The following NME7 variants were observed in gnomAD, a reference collection of about 807,000 sequenced individuals.
The protein encoded by NME7 is nucleoside diphosphate kinase 7.
Under a neutral mutation model 49.1 loss-of-function variants are expected in NME7, and 41 were observed. The observed-to-expected ratio is 0.83, with a 90% CI of 0.65 to 1.08. The LOEUF (loss-of-function observed/expected upper bound fraction) is 1.08, where lower values mean the gene tolerates loss of function less well. NME7 is among the 50% of genes least tolerant of loss of function. The pLI, the probability that NME7 is intolerant of heterozygous loss-of-function variation, is 0.00. For synonymous variants in NME7, 139 were observed against 150.6 expected (o/e 0.92, Z 0.56); for missense variants, 423 against 463.4 (o/e 0.91, Z 0.80).
In NME7 at chr1:169,289,560, C is replaced by T. The variant is rs555488287; in HGVS notation, c.649-2152G>A. 4.6e-5 allele frequency among the ~76,000 whole-genome samples: 7 copies of T among 151,972 alleles called. No individual in the cohort carries two copies. In the South Asian group the frequency reaches 1.4e-3, roughly 31 times the overall value. ...TAGCTCCAAAAACCATGTACTTTTT[C>T]TATTATCTGTCTTTCCAAAGTAAAA... On this transcript the variant is annotated intron_variant, in intron 6 of 11. Transcript: ENST00000367811.
At position 169,310,081 on chromosome 1, in the gene NME7, CTA is replaced by C. The variant is rs779654126; in HGVS notation, c.279-3_279-2del. The C allele has an allele frequency of 1.4e-5, 21 of 1,554,068 alleles. No homozygotes were observed. The highest frequency in any genetic ancestry group is 1.7e-5 in the Non-Finnish European group (20 of 1,143,810). On this transcript the variant is annotated splice_acceptor_variant and splice_polypyrimidine_tract_variant and intron_variant, in intron 3 of 11. Transcript: ENST00000367811. LOFTEE classifies it high-confidence loss of function. Reference sequence around the variant, plus strand: ...ATCTGGTTTAATTAGGGCTAGCGTTCTATAAGGAAACAAAAAATAAGTTTGCA... The same window carrying C: ...ATCTGGTTTAATTAGGGCTAGCGTTCTAAGGAAACAAAAAATAAGTTTGCA...
intron 10 of NME7, among the ~76,000 whole-genome samples, chr1:169,197,654 G>A (rs1421680321): frequency 6.6e-6 from 1 of 152,028 alleles, no homozygotes; most frequent in African/African-American, 2.4e-5. Flanking sequence ...CAGCTGGATA[G>A]CAATGTGCAA....
At chr1:169,346,445 T>A (rs1379771137) in intron 1 of NME7, among the ~76,000 whole-genome samples, 1 of 152,188 alleles carries the variant, frequency 6.6e-6, no homozygotes. Context: ...CCTGGAATAC[T>A]TTTTCCCCAA....
chr1:169,270,335 C>T (rs1383340522), intron 7 of NME7, among the ~76,000 whole-genome samples: 1 of 133,560 alleles, frequency 7.5e-6, no homozygotes, highest in African/African-American at 2.5e-5. Context: ...AGCCACTCTC[C>T]CAGATTTGGC....
At chr1:169,309,155 T>C (rs1651290346) in intron 4 of NME7, among the ~76,000 whole-genome samples, 1 of 152,192 alleles carries the variant, frequency 6.6e-6, no homozygotes, top group African/African-American at 2.4e-5. Flanking sequence ...TCCTAATTAC[T>C]TAGACTTCAG....
At chr1:169,265,173 T>C (rs958187533) in intron 7 of NME7, among the ~76,000 whole-genome samples, 4 of 132,818 alleles carry the variant, frequency 3.0e-5, no homozygotes, top group African/African-American at 1.0e-4. Context: ...TGAGATTTGG[T>C]TGGGGACACG....
At chr1:169,155,771 T>A (rs1031343625) in intron 11 of NME7, among the ~76,000 whole-genome samples, 2 of 151,974 alleles carry the variant, frequency 1.3e-5, no homozygotes, top group Non-Finnish European at 2.9e-5. Flanking sequence ...AGTTTTTTTT[T>A]TTTTTTTGAA....
At position 169,276,823 on chromosome 1, in the gene NME7, T is replaced by G. The variant is rs372957828; in HGVS notation, c.754+10480A>C. Among the ~76,000 whole-genome samples, 106 of 140,726 alleles carry G rather than the reference T, an allele frequency of 7.5e-4. 12 individuals are homozygous for G. In the South Asian group the frequency reaches 0.024, roughly 31 times the overall value. 92.3% of individuals were successfully genotyped at this position (140,726 alleles called of 152,430 possible). A position where few individuals can be genotyped will look rare whatever the true frequency, so the allele number is the denominator to read the frequency against. On this transcript the variant is annotated intron_variant, in intron 7 of 11. Transcript: ENST00000367811. Reference sequence around the variant, plus strand: ...CTTTCCTGCTTTCTCTTGTGGCCATTTAGTGCTATAAATTTCCCTCTACAC... The same window carrying G: ...CTTTCCTGCTTTCTCTTGTGGCCATGTAGTGCTATAAATTTCCCTCTACAC...
At chr1:169,158,592 C>T (rs1659151132) in intron 11 of NME7, among the ~76,000 whole-genome samples, 1 of 152,018 alleles carries the variant, frequency 6.6e-6, no homozygotes. Flanking sequence ...TATAATAGGG[C>T]TCTAGGCTTA....
At chr1:169,229,822 C>T (rs966166192) in intron 10 of NME7, among the ~76,000 whole-genome samples, 3 of 151,876 alleles carry the variant, frequency 2.0e-5, no homozygotes, top group East Asian at 1.9e-4. Flanking sequence ...ATTAGCCAGG[C>T]GGGGTGGCAC....
intron 7 of NME7, among the ~76,000 whole-genome samples, chr1:169,279,263 T>C (rs1649893395): frequency 6.6e-6 from 1 of 152,182 alleles, no homozygotes; most frequent in Admixed American, 6.5e-5. Flanking sequence ...CCGCTGTCTT[T>C]TTGTTTGTCT....
rs559695123 is a variant in NME7, at chr1:169,328,201, G to A, written c.4-3701C>T. ...GGAAACTATAAAGGGGTTTTTTGGAGGGGGGGATTATGGAGGAATATTTGT... is the reference window on the plus strand; with the variant it reads ...GGAAACTATAAAGGGGTTTTTTGGAAGGGGGGATTATGGAGGAATATTTGT... On this transcript the variant is annotated intron_variant, in intron 1 of 11. Transcript: ENST00000367811. Among the ~76,000 whole-genome samples the A allele has an allele frequency of 5.3e-5, 8 of 152,224 alleles. No individual in the cohort carries two copies. In the South Asian group the frequency reaches 1.0e-3, roughly 20 times the overall value.
intron 10 of NME7, among the ~76,000 whole-genome samples, chr1:169,229,019 C>G (rs191492568): frequency 1.2e-3 from 186 of 152,278 alleles, no homozygotes; most frequent in Admixed American, 2.7e-3. Context: ...ATTTCTAGAG[C>G]CTCTGACTTT....
At position 169,298,537 on chromosome 1, in the gene NME7, T is replaced by G. The variant is rs764704872; in HGVS notation, c.648+19A>C. On this transcript the variant is annotated intron_variant, in intron 6 of 11. Coordinates refer to ENST00000367811, the MANE Select transcript of NME7 (RefSeq NM_013330.5). ...TAACAGAACTAGAAGAGCATTAAAA[T>G]ATTTTTAAAACACCTTACTCTGGCC... 1 of 1,608,004 alleles carries G rather than the reference T, an allele frequency of 6.2e-7. No homozygotes were observed.
At chr1:169,184,740 A>C (rs1156817076) in intron 10 of NME7, among the ~76,000 whole-genome samples, 1 of 151,728 alleles carries the variant, frequency 6.6e-6, no homozygotes. Flanking sequence ...TTTTTATTCT[A>C]AATGGTCACA....
At chr1:169,155,114 A>T (rs1659029654) in intron 11 of NME7, among the ~76,000 whole-genome samples, 1 of 152,322 alleles carries the variant, frequency 6.6e-6, no homozygotes, top group Admixed American at 6.5e-5. Flanking sequence ...TTTCTTTAAC[A>T]TAGATAAAAT....
intron 6 of NME7, among the ~76,000 whole-genome samples, chr1:169,297,655 A>G (rs1650763995): frequency 6.6e-6 from 1 of 152,212 alleles, no homozygotes; most frequent in Non-Finnish European, 1.5e-5. Flanking sequence ...AGGCCACAAT[A>G]AAGACTTTAG....
intron 10 of NME7, among the ~76,000 whole-genome samples, chr1:169,229,567 C>G (rs1455845122): frequency 6.6e-6 from 1 of 152,206 alleles, no homozygotes; most frequent in Non-Finnish European, 1.5e-5. Context: ...TCACTGACAA[C>G]AGGAGTGTTG....
At chr1:169,285,824 A>C (rs1650257611) in intron 7 of NME7, 1 of 152,220 alleles carries the variant, frequency 6.6e-6, no homozygotes, top group African/African-American at 2.4e-5. Context: ...ATATACTAAA[A>C]TACTTCCTAA....
Sources: gnomAD v4.1 joint callset for allele counts (sites outside exome capture counted in the v4.1 genomes callset) on GRCh38, gnomAD v4.1.1 for gene constraint, MANE v1.5 for transcripts, NCBI Gene and HGNC (gene_info 2026-07-23, HGNC 2026-07-21) for gene names.